ZNF804A: variants seen among roughly 807,000 people sequenced by gnomAD.
The protein encoded by ZNF804A is zinc finger protein 804A.
A neutral mutation model predicts 16.5 loss-of-function variants in ZNF804A; 2 were observed. That is an observed-to-expected ratio of 0.12 (90% CI 0.05 to 0.38). ZNF804A has a LOEUF of 0.38. ZNF804A is among the 10% of genes least tolerant of loss of function. The pLI, the probability that ZNF804A is intolerant of heterozygous loss-of-function variation, is 0.99. For synonymous variants in ZNF804A, 534 were observed against 489.6 expected, an observed-to-expected ratio of 1.09 and a Z score of -1.20; for missense variants, 1,473 against 1,390.7, an observed-to-expected ratio of 1.06 and a Z score of -0.94.
chr2:184,726,615 G>A lies in ZNF804A; in HGVS notation c.111+127545G>A, dbSNP rs114511959. On this transcript the variant is annotated intron_variant, in intron 1 of 3. Transcript: ENST00000302277. ...AAATAATTACATAAATGCATTTCACGTATATCAGTGACAATTAAAAAAACA... is the reference window on the plus strand; with the variant it reads ...AAATAATTACATAAATGCATTTCACATATATCAGTGACAATTAAAAAAACA... Among the ~76,000 whole-genome samples the A allele has an allele frequency of 5.5e-3, 833 of 151,376 alleles. 7 individuals are homozygous for A. Among genetic ancestry groups the A allele is most frequent in the African/African-American group, 0.019 (786 of 41,376 alleles).
At chr2:184,916,097 T>C (rs919197941) in intron 2 of ZNF804A, among the ~76,000 whole-genome samples, 2 of 152,300 alleles carry the variant, frequency 1.3e-5, no homozygotes, top group Middle Eastern at 3.4e-3. Context: ...TTTCATGGTA[T>C]TACTTCTCTA....
At chr2:184,754,151 T>A (rs543767204) in intron 1 of ZNF804A, among the ~76,000 whole-genome samples, 1 of 151,926 alleles carries the variant, frequency 6.6e-6, no homozygotes, top group South Asian at 2.1e-4. Context: ...TGTTCTGTCC[T>A]CAGGATATGT....
At chr2:184,719,867 T>C (rs1203677109) in intron 1 of ZNF804A, among the ~76,000 whole-genome samples, 2 of 152,202 alleles carry the variant, frequency 1.3e-5, no homozygotes, top group Non-Finnish European at 2.9e-5. Flanking sequence ...AACCTCTGCC[T>C]CTTACCCAGT....
At position 184,684,835 on chromosome 2, in the gene ZNF804A, T is replaced by A. The variant is rs115129537; in HGVS notation, c.111+85765T>A. Reference sequence around the variant, plus strand: ...TTGATTTTCTGTTCCTGAATTAATTTGCTTGGGATTATGACCTCTAGCTCT... The same window carrying A: ...TTGATTTTCTGTTCCTGAATTAATTAGCTTGGGATTATGACCTCTAGCTCT... On this transcript the variant is annotated intron_variant, in intron 1 of 3. Coordinates refer to ENST00000302277, the MANE Select transcript of ZNF804A (RefSeq NM_194250.2). 4.7e-3 allele frequency among the ~76,000 whole-genome samples: 712 copies of A among 152,310 alleles called. 13 individuals carry two copies. The highest frequency in any genetic ancestry group is 0.015 in the African/African-American group (643 of 41,574).
At chr2:184,739,584 G>T (rs903394193) in intron 1 of ZNF804A, among the ~76,000 whole-genome samples, 2 of 152,122 alleles carry the variant, frequency 1.3e-5, no homozygotes, top group Non-Finnish European at 1.5e-5. Flanking sequence ...TAGAGACAGG[G>T]TTTTGCCATG....
chr2:184,811,915 AGTT>A (rs1464512209), intron 1 of ZNF804A, among the ~76,000 whole-genome samples: 1 of 152,194 alleles, frequency 6.6e-6, no homozygotes, highest in East Asian at 1.9e-4. Context: ...ATTACAAAAA[AGTT>A]GTTATTATTT....
At chr2:184,848,422 T>C (rs904478351) in intron 1 of ZNF804A, among the ~76,000 whole-genome samples, 1 of 152,020 alleles carries the variant, frequency 6.6e-6, no homozygotes. Flanking sequence ...CACTGTTTCT[T>C]CCTGAATAAA....
At chr2:184,656,409 A>G (rs1692075424) in intron 1 of ZNF804A, among the ~76,000 whole-genome samples, 2 of 152,078 alleles carry the variant, frequency 1.3e-5, no homozygotes, top group South Asian at 4.1e-4. Flanking sequence ...AATAAGGAAA[A>G]TCTGAGGAGT....
intron 2 of ZNF804A, among the ~76,000 whole-genome samples, chr2:184,871,139 C>A (rs1413934509): frequency 6.6e-6 from 1 of 151,210 alleles, no homozygotes; most frequent in African/African-American, 2.4e-5. Context: ...TTTCTTAATT[C>A]AGTTGCTGAG....
At chr2:184,827,770 G>T (rs9973668) in intron 1 of ZNF804A, among the ~76,000 whole-genome samples, 23,115 of 151,244 alleles carry the variant, frequency 0.15, 1,965 homozygotes, top group Middle Eastern at 0.24. Context: ...TGGTTGAGTG[G>T]TGTTTCATTT....
intron 1 of ZNF804A, among the ~76,000 whole-genome samples, chr2:184,741,828 C>T (rs1693712990): frequency 6.6e-6 from 1 of 152,026 alleles, no homozygotes; most frequent in Admixed American, 6.6e-5. Flanking sequence ...ACTGGTCATT[C>T]TTCTAGAAGC....
At chr2:184,648,508 A>G (rs1691920289) in intron 1 of ZNF804A, among the ~76,000 whole-genome samples, 1 of 152,122 alleles carries the variant, frequency 6.6e-6, no homozygotes, top group African/African-American at 2.4e-5. Context: ...AACAAACTAA[A>G]AAACAAGACC....
Position 184,937,588 on chromosome 2 carries a change from G to A in ZNF804A, c.2192G>A (p.Ser731Asn). Residue 731 changes from serine (S) to asparagine (N), a missense_variant, in exon 4 of 4, where the codon AGC (serine) becomes AAC (asparagine). Coordinates refer to ENST00000302277, the MANE Select transcript of ZNF804A (RefSeq NM_194250.2). ...TGTTGTTGGAAAACCAAAATGTCAA[G>A]CTGTAGTCAGGATCACAGAAGCTTA... The part of the protein sequence containing the change: ...TYCCWKTKMS[S>N]CSQDHRSLVL... The A allele has an allele frequency of 1.9e-6, 3 of 1,613,144 alleles. No individual in the cohort carries two copies.
At chr2:184,904,286 T>A (rs1054376848) in intron 2 of ZNF804A, among the ~76,000 whole-genome samples, 1 of 151,996 alleles carries the variant, frequency 6.6e-6, no homozygotes, top group African/African-American at 2.4e-5. Context: ...AATTAAAAAA[T>A]TTTTATTAAT....
At chr2:184,744,576 T>C (rs543442695) in intron 1 of ZNF804A, among the ~76,000 whole-genome samples, 1 of 152,050 alleles carries the variant, frequency 6.6e-6, no homozygotes, top group East Asian at 1.9e-4. Context: ...AACCTTGATC[T>C]TGATCTTCCA....
At chr2:184,764,886 A>G (rs907798974) in intron 1 of ZNF804A, among the ~76,000 whole-genome samples, 9 of 152,198 alleles carry the variant, frequency 5.9e-5, no homozygotes, top group South Asian at 2.1e-4. Context: ...CAATCATTTA[A>G]AAAAATCTAA....
intron 1 of ZNF804A, among the ~76,000 whole-genome samples, chr2:184,706,131 G>T (rs1693027376): frequency 6.6e-6 from 1 of 151,976 alleles, no homozygotes; most frequent in Admixed American, 6.6e-5. Context: ...TTTCAGTCAT[G>T]TTCCTTCCAA....
chr2:184,799,275 A>G (rs1455078411), intron 1 of ZNF804A, among the ~76,000 whole-genome samples: 1 of 151,852 alleles, frequency 6.6e-6, no homozygotes, highest in East Asian at 1.9e-4. Flanking sequence ...TCTGCCTCTC[A>G]TCCGCCATGA....
intron 1 of ZNF804A, among the ~76,000 whole-genome samples, chr2:184,611,693 C>CA (rs145943523): frequency 0.27 from 41,649 of 151,716 alleles, 5,950 homozygotes; most frequent in African/African-American, 0.33. Flanking sequence ...CTCTTCTTTT[C>CA]AAAAAAACAG....
Sources: allele counts gnomAD v4.1 joint callset (sites outside exome capture counted in the v4.1 genomes callset), GRCh38; gene constraint gnomAD v4.1.1; transcripts MANE v1.5; gene names NCBI Gene and HGNC (gene_info 2026-07-23, HGNC 2026-07-21).